The following PRKDC variants were observed in gnomAD, a reference collection of about 807,000 sequenced individuals.
PRKDC encodes DNA-dependent protein kinase catalytic subunit.
In PRKDC, 82 loss-of-function variants were observed where a neutral mutation model predicts 486.9. That is an observed-to-expected ratio of 0.17 (90% CI 0.14 to 0.20). PRKDC has a LOEUF of 0.20. Ranked by LOEUF, PRKDC falls within the 10% of genes least tolerant of loss-of-function variation. PRKDC has a pLI of 1.00. For missense variants in PRKDC, 4,504 were observed against 5,038.2 expected (o/e 0.89, Z 3.21); for synonymous variants, 1,895 against 1,837.0 (o/e 1.03, Z -0.81).
intron 23 of PRKDC, among the ~76,000 whole-genome samples, 183 bp from the exon 24 acceptor site, chr8:47,914,247 T>C (rs2089953576): frequency 6.6e-6 from 1 of 152,350 alleles, no homozygotes; most frequent in South Asian, 2.1e-4. Context: ...AATCACTCGA[T>C]TTAATTTAAA....
At position 47,960,091 on chromosome 8, in the gene PRKDC, C is replaced by T; in HGVS notation, c.36G>A (p.Leu12=). The part of the protein sequence containing the change: ...AGSGAGVRCS[L]LRLQETLSAA... ...CGGACAAGGTCTCCTGCAGCCGCAG[C>T]AGGGAGCAACGCACACCGGCTCCGG... The change falls in exon 1 of 86, where the codon CTG becomes CTA. Residue 12 remains leucine (L), a synonymous_variant. Coordinates refer to ENST00000314191, the MANE Select transcript of PRKDC (RefSeq NM_006904.7). 1.3e-6 allele frequency: 2 copies of T among 1,529,098 alleles called. No homozygotes were observed. Among genetic ancestry groups the T allele is most frequent in the Non-Finnish European group, 1.7e-6 (2 of 1,144,246 alleles). 94.7% of individuals were successfully genotyped at this position (1,529,098 alleles called of 1,614,324 possible). A position where few individuals can be genotyped will look rare whatever the true frequency, so the allele number is the denominator to read the frequency against.
intron 59 of PRKDC, among the ~76,000 whole-genome samples, chr8:47,833,721 G>A (rs1229152198): frequency 6.6e-6 from 1 of 152,066 alleles, no homozygotes; most frequent in African/African-American, 2.4e-5. Context: ...CCTTCACCTG[G>A]ACTGCAGAAT....
chr8:47,936,284 G>C, intron 12 of PRKDC, 69 bp downstream of exon 12: 1 of 1,486,310 alleles, frequency 6.7e-7, no homozygotes, highest in East Asian at 2.3e-5. Context: ...TGTATTGTAT[G>C]ACTCCATCAA....
chr8:47,801,121 GA>G, intron 70 of PRKDC, 135 bp from the exon 71 acceptor site: 1 of 849,140 alleles, frequency 1.2e-6, no homozygotes, highest in East Asian at 2.7e-5. Flanking sequence ...ACCCAGGCTG[GA>G]GTGCAACGAC....
At chr8:47,899,839 G>T (rs1302310139) in intron 28 of PRKDC, among the ~76,000 whole-genome samples, 3 of 152,078 alleles carry the variant, frequency 2.0e-5, no homozygotes, top group Non-Finnish European at 4.4e-5. Context: ...TTCTTGCATA[G>T]AATTTAATTG....
rs776699625 is a variant in PRKDC at position 47,821,721 on chromosome 8, G to A, written c.8994C>T (p.Ser2998=). Residue 2998 remains serine, a synonymous_variant, in exon 65 of 86, where the codon TCC becomes TCT. Transcript: ENST00000314191. ...CAGCAAGGTGGTTGTAACAGTCAAG[G>A]GATGCAAGTTCCCAAAAATCCTTCT... ...EAEKDFWELA[S]LDCYNHLAEW... 1.9e-6 allele frequency: 3 copies of A among 1,599,626 alleles called. No individual in the cohort carries two copies. Among genetic ancestry groups the A allele is most frequent in the South Asian group, 1.1e-5 (1 of 88,074 alleles).
intron 76 of PRKDC, among the ~76,000 whole-genome samples, chr8:47,787,024 G>A (rs912560115): frequency 2.0e-5 from 3 of 152,034 alleles, no homozygotes; most frequent in Non-Finnish European, 4.4e-5. Context: ...ACCATGCCCA[G>A]CAGATATGTT....
chr8:47,839,292 T>C (rs371295181), intron 55 of PRKDC, 46 bp from the exon 56 acceptor site: 1 of 1,378,236 alleles, frequency 7.3e-7, no homozygotes, highest in Non-Finnish European at 1.0e-6. Context: ...TGCTCTCTTC[T>C]GGCCCTTTTG....
In PRKDC at chr8:47,788,966, A is replaced by G. The variant is rs925435577; in HGVS notation, c.10842T>C (p.Tyr3614=). The G allele has an allele frequency of 3.7e-6, 6 of 1,613,654 alleles. No homozygotes were observed. Among genetic ancestry groups the G allele is most frequent in the African/African-American group, 1.3e-5 (1 of 75,038 alleles). ...GAGCCTTTGGGTCACCCAAGGCTGC[A>G]TACATTCTTTCATACATTTTTTCAA... ...KNIEKMYERM[Y]AALGDPKAPG... Residue 3614 remains tyrosine (Y), a synonymous_variant, in exon 76 of 86, where the codon TAT becomes TAC. Coordinates refer to ENST00000314191, the MANE Select transcript of PRKDC (RefSeq NM_006904.7).
At chr8:47,957,012 A>T (rs1399272745) in intron 3 of PRKDC, among the ~76,000 whole-genome samples, 159 bp downstream of exon 3, 1 of 148,902 alleles carries the variant, frequency 6.7e-6, no homozygotes, top group Non-Finnish European at 1.5e-5. Flanking sequence ...CCTAATGAAG[A>T]GCCCACTTCA....
intron 22 of PRKDC, among the ~76,000 whole-genome samples, chr8:47,915,931 A>G (rs1029343205): frequency 3.9e-5 from 6 of 152,234 alleles, no homozygotes; most frequent in Non-Finnish European, 5.9e-5. Flanking sequence ...TACAATGTCG[A>G]ATCTGAATTC....
intron 12 of PRKDC, 75 bp from the exon 13 acceptor site, chr8:47,935,975 G>A: frequency 2.2e-6 from 3 of 1,359,436 alleles, no homozygotes; most frequent in Non-Finnish European, 3.0e-6. Context: ...AATATTCAAA[G>A]TAATTACAAC....
At chr8:47,877,640 G>C in intron 40 of PRKDC, 84 bp downstream of exon 40, 1 of 1,300,100 alleles carries the variant, frequency 7.7e-7, no homozygotes, top group East Asian at 2.8e-5. Flanking sequence ...TTGCCACTCA[G>C]CTTTTTTTTT....
rs1318940177 is a variant in PRKDC at position 47,836,506 on chromosome 8, A to T, written c.7783T>A (p.Trp2595Arg). The stretch of plus-strand genomic sequence containing the variant: ...GTGAGAACAGTACTTCGGAAACGCC[A>T]ATCAGAATCAATGGTATATTCCTGT... The part of the protein sequence containing the change: ...EFQEYTIDSD[W>R]RFRSTVLTPM... Residue 2595 changes from tryptophan to arginine, a missense_variant, in exon 58 of 86, where the codon TGG (tryptophan) becomes AGG (arginine). Trp to Arg is a moderately radical substitution (Grantham distance 101, BLOSUM62 -3). Transcript: ENST00000314191. The T allele has an allele frequency of 1.2e-6, 2 of 1,601,844 alleles. No homozygotes were observed. The highest frequency in any genetic ancestry group is 1.7e-6 in the Non-Finnish European group (2 of 1,173,910).
intron 7 of PRKDC, among the ~76,000 whole-genome samples, chr8:47,945,039 T>C (rs1276772768): frequency 1.3e-5 from 2 of 152,196 alleles, no homozygotes; most frequent in African/African-American, 4.8e-5. Context: ...AGGTACTAGT[T>C]GGGGAAAAGG....
chr8:47,930,923 G>C (rs1318312432), intron 16 of PRKDC, 136 bp from the exon 17 acceptor site: 1 of 786,914 alleles, frequency 1.3e-6, no homozygotes, highest in Non-Finnish European at 2.0e-6. Context: ...GACCAAGATG[G>C]GTGCTCAAGA....
intron 59 of PRKDC, among the ~76,000 whole-genome samples, chr8:47,833,111 C>T (rs912217945): frequency 6.6e-5 from 10 of 152,198 alleles, no homozygotes; most frequent in Admixed American, 3.9e-4. Flanking sequence ...CCTGAACAAC[C>T]GCCACCAGCA....
chr8:47,795,486 GC>G (rs1277662981), intron 73 of PRKDC, among the ~76,000 whole-genome samples: 1 of 146,210 alleles, frequency 6.8e-6, no homozygotes, highest in African/African-American at 2.5e-5. Context: ...ACCGCACCCG[GC>G]CTTTTTTTTT....
At chr8:47,794,914 G>T (rs1054126921) in intron 73 of PRKDC, among the ~76,000 whole-genome samples, 14 of 152,198 alleles carry the variant, frequency 9.2e-5, no homozygotes, top group Admixed American at 3.9e-4. Context: ...TTTTGAGATG[G>T]GGTCTCGCTC....
Sources: allele counts gnomAD v4.1 joint callset (sites outside exome capture counted in the v4.1 genomes callset), GRCh38; gene constraint gnomAD v4.1.1; transcripts MANE v1.5; gene names NCBI Gene and HGNC (gene_info 2026-07-23, HGNC 2026-07-21).